Variants in EPB41 observed in about 807,000 individuals in gnomAD.
The protein encoded by EPB41 is erythrocyte membrane protein band 4.1, also known as protein 4.1.
In EPB41, 65 loss-of-function variants were observed where a neutral mutation model predicts 108.0. The ratio of observed to expected loss-of-function variants is 0.60; its 90% CI spans 0.49 to 0.74. The LOEUF (loss-of-function observed/expected upper bound fraction) is 0.74. EPB41 is among the 30% of genes least tolerant of loss of function. EPB41 has a pLI of 0.00. For missense variants in EPB41, 875 were observed against 1,037.0 expected, an observed-to-expected ratio of 0.84 and a Z score of 2.15; for synonymous variants, 336 against 358.9, an observed-to-expected ratio of 0.94 and a Z score of 0.72.
intron 4 of EPB41, among the ~76,000 whole-genome samples, chr1:28,998,612 T>A (rs185784587): frequency 6.6e-6 from 1 of 152,334 alleles, no homozygotes; most frequent in East Asian, 1.9e-4. Flanking sequence ...TACCTAGTAG[T>A]TTACAAAAAT....
intron 12 of EPB41, among the ~76,000 whole-genome samples, chr1:29,056,719 T>G (rs945714106): frequency 6.6e-6 from 1 of 152,058 alleles, no homozygotes; most frequent in Admixed American, 6.5e-5. Context: ...AGAGACAAGG[T>G]TTCACCATGT....
intron 11 of EPB41, among the ~76,000 whole-genome samples, chr1:29,049,768 G>C (rs993957672): frequency 6.6e-6 from 1 of 152,102 alleles, no homozygotes; most frequent in Non-Finnish European, 1.5e-5. Flanking sequence ...TGAAGTTAGT[G>C]GGTCACCATC....
intron 1 of EPB41, among the ~76,000 whole-genome samples, chr1:28,928,433 C>T (rs183142777): frequency 7.7e-4 from 117 of 152,298 alleles, no homozygotes; most frequent in Non-Finnish European, 1.4e-3. Flanking sequence ...CAGTTACCCA[C>T]GGAATATCTA....
chr1:29,060,412 A>C lies in EPB41; in HGVS notation c.1945-10A>C. ...ATGCTTTTCTGTTTTCCCCCCTTTC[A>C]TTTTCACAGAAAAAGAGAGAAAGAC... On this transcript the variant is annotated splice_polypyrimidine_tract_variant and intron_variant, in intron 14 of 20. Coordinates refer to ENST00000343067, the MANE Select transcript of EPB41 (RefSeq NM_001376013.1). The C allele has an allele frequency of 6.2e-7, 1 of 1,610,956 alleles. No homozygotes were observed. The highest frequency in any genetic ancestry group is 8.5e-7 in the Non-Finnish European group (1 of 1,177,632).
rs971579811 is a variant in EPB41, at chr1:29,029,209, G to T, written c.1125-1191G>T. Among the ~76,000 whole-genome samples, 3 of 152,200 alleles carry T rather than the reference G, an allele frequency of 2.0e-5. No homozygotes were observed. In the East Asian group the frequency reaches 5.8e-4, roughly 29 times the overall value. On this transcript the variant is annotated intron_variant, in intron 7 of 20. Transcript: ENST00000343067. ...TTTAATGACTTGAATATACAGACTT[G>T]CATAAGGGGCTAATTTTCCCATTCT...
intron 16 of EPB41, chr1:29,071,462 A>G (rs974917882): frequency 1.3e-5 from 2 of 152,218 alleles, no homozygotes; most frequent in Admixed American, 6.5e-5. Context: ...TTACTTCTTT[A>G]TGGCTTTACT....
chr1:28,908,773 G>T (rs1330644260), intron 1 of EPB41, among the ~76,000 whole-genome samples: 1 of 151,814 alleles, frequency 6.6e-6, no homozygotes, highest in Non-Finnish European at 1.5e-5. Context: ...CAAACTCAAT[G>T]TCCAATAGTA....
At chr1:28,906,438 G>A (rs956863319) in intron 1 of EPB41, among the ~76,000 whole-genome samples, 2 of 152,172 alleles carry the variant, frequency 1.3e-5, no homozygotes, top group Non-Finnish European at 2.9e-5. Flanking sequence ...CCCTCCCCTA[G>A]TAAGAGAGAA....
intron 1 of EPB41, among the ~76,000 whole-genome samples, chr1:28,984,207 G>T (rs1037860514): frequency 6.6e-6 from 1 of 152,128 alleles, no homozygotes; most frequent in African/African-American, 2.4e-5. Flanking sequence ...GGGTGAGGTG[G>T]GGCCATGGGT....
rs183142594 is a variant in EPB41 at position 28,887,862 on chromosome 1, C to G, written c.-8+652C>G. Among the ~76,000 whole-genome samples, 1 of 152,238 alleles carries G rather than the reference C, an allele frequency of 6.6e-6. No individual in the cohort carries two copies. Among genetic ancestry groups the G allele is most frequent in the South Asian group, 2.1e-4 (1 of 4,836 alleles). The stretch of plus-strand genomic sequence containing the variant: ...GTCTGGGTCTCCCGGGTCTCTCTGT[C>G]CGGTTCAGGCTCAGGTTCCCTCTCA... On this transcript the variant is annotated intron_variant, in intron 1 of 16. Transcript: ENST00000347529. The surrounding 1 kb of genome is among the most constrained non-coding windows in gnomAD (Gnocchi z 4.9).
intron 1 of EPB41, among the ~76,000 whole-genome samples, chr1:28,907,775 G>C (rs1023949612): frequency 6.6e-6 from 1 of 151,948 alleles, no homozygotes; most frequent in African/African-American, 2.4e-5. Flanking sequence ...ACCATGCTTG[G>C]CTATTGTTTT....
At chr1:28,929,352 A>G (rs1263225349) in intron 1 of EPB41, among the ~76,000 whole-genome samples, 1 of 150,508 alleles carries the variant, frequency 6.6e-6, no homozygotes, top group Non-Finnish European at 1.5e-5. Flanking sequence ...CAGCCTCCCA[A>G]GTAGCTGGAA....
At chr1:29,098,686 G>A (rs1232076946) in intron 17 of EPB41, among the ~76,000 whole-genome samples, 5 of 152,110 alleles carry the variant, frequency 3.3e-5, no homozygotes, top group Non-Finnish European at 7.4e-5. Flanking sequence ...GATCTCCTCT[G>A]CCCATGACGT....
chr1:29,017,514 C>A (rs1182437101), intron 6 of EPB41, among the ~76,000 whole-genome samples: 1 of 152,132 alleles, frequency 6.6e-6, no homozygotes, highest in Non-Finnish European at 1.5e-5. Flanking sequence ...GTTTTAACTG[C>A]AAACTGTGCA....
Position 28,887,450 on chromosome 1 carries a change from C to T in EPB41, c.-8+240C>T, listed in dbSNP as rs927982640. On this transcript the variant is annotated intron_variant, in intron 1 of 16. Coordinates refer to the EPB41 transcript ENST00000347529. This position sits in a 1 kb window ranked among gnomAD's most constrained non-coding sequence, Gnocchi z 4.9. Reference sequence around the variant, plus strand: ...GGCGTGGGAGTCTGGAGAGGGGGTCCGGGAGCTCGGATCCGGAGCTAGACA... The same window carrying T: ...GGCGTGGGAGTCTGGAGAGGGGGTCTGGGAGCTCGGATCCGGAGCTAGACA... 18 of 985,082 alleles carry T rather than the reference C, an allele frequency of 1.8e-5. No individual in the cohort carries two copies. Among genetic ancestry groups the T allele is most frequent in the Admixed American group, 6.2e-5 (1 of 16,254 alleles). 61.0% of individuals were successfully genotyped at this position (985,082 alleles called of 1,614,324 possible).
chr1:28,909,813 AATAG>A (rs34584577), upstream of EPB41, among the ~76,000 whole-genome samples: 12 of 151,114 alleles, frequency 7.9e-5, no homozygotes, highest in East Asian at 1.9e-4. Flanking sequence ...AGATAAATAC[AATAG>A]ATAGATAGAT....
intron 4 of EPB41, among the ~76,000 whole-genome samples, chr1:29,001,484 T>C (rs115900217): frequency 0.013 from 2,005 of 152,302 alleles, 47 homozygotes; most frequent in African/African-American, 0.045. Flanking sequence ...GTTTCCTTTT[T>C]CCTTGGTTTT....
chr1:29,099,492 A>AT (rs1454557462), intron 17 of EPB41, among the ~76,000 whole-genome samples: 1 of 151,962 alleles, frequency 6.6e-6, no homozygotes, highest in Non-Finnish European at 1.5e-5. Context: ...CACCTCGCTA[A>AT]TTTTTTGTAG....
rs963908314 is a variant in EPB41, at chr1:29,069,351, A to G, written c.2184+4193A>G. ...TACAGAAATTGCAGGGGGAATAAAAACTTCTCAATTGGACAATTGGGGAGA... is the reference window on the plus strand; with the variant it reads ...TACAGAAATTGCAGGGGGAATAAAAGCTTCTCAATTGGACAATTGGGGAGA... On this transcript the variant is annotated intron_variant, in intron 16 of 20. Transcript: ENST00000343067. 8.1e-6 allele frequency: 10 copies of G among 1,231,072 alleles called. No individual in the cohort carries two copies. The African/African-American group carries it at 1.6e-4, about 19-fold the overall frequency. 76.3% of individuals were successfully genotyped at this position (1,231,072 alleles called of 1,614,324 possible).
Sources: allele counts gnomAD v4.1 joint callset (sites outside exome capture counted in the v4.1 genomes callset), GRCh38; gene constraint gnomAD v4.1.1; non-coding constraint Gnocchi (gnomAD v3.1); transcripts MANE v1.5; gene names NCBI Gene and HGNC (gene_info 2026-07-23, HGNC 2026-07-21).